MACROD2: variants seen among roughly 807,000 people sequenced by gnomAD.
The protein encoded by MACROD2 is ADP-ribose glycohydrolase MACROD2.
MACROD2 carries 36 observed loss-of-function variants against 70.4 expected under a neutral mutation model. That is an observed-to-expected ratio of 0.51 (90% CI 0.39 to 0.68). The LOEUF is 0.68. Among genes scored for constraint, MACROD2 ranks in the 30% least tolerant of loss-of-function variants. MACROD2 has a pLI of 0.00. For missense variants in MACROD2, 496 were observed against 538.4 expected (o/e 0.92, Z 0.78); for synonymous variants, 172 against 178.8 (o/e 0.96, Z 0.30).
At chr20:14,235,877 A>C (rs756393222) in intron 3 of MACROD2, among the ~76,000 whole-genome samples, 8 of 150,758 alleles carry the variant, frequency 5.3e-5, no homozygotes, top group Non-Finnish European at 1.0e-4. Flanking sequence ...ATAAGGTTTC[A>C]CTTTTCTTCT....
rs1427666449 is a variant in MACROD2, at chr20:15,085,326, G to A, written c.419-144614G>A. On this transcript the variant is annotated intron_variant, in intron 5 of 17. Coordinates refer to ENST00000684519, the MANE Select transcript of MACROD2 (RefSeq NM_001351661.2). ...TTAGGGATGCATTTTCATGACCTTGGTTTAAGGCAATAGTTTCTTGGATAT... is the reference window on the plus strand; with the variant it reads ...TTAGGGATGCATTTTCATGACCTTGATTTAAGGCAATAGTTTCTTGGATAT... Among the ~76,000 whole-genome samples the A allele has an allele frequency of 2.0e-5, 3 of 152,074 alleles. No homozygotes were observed. The East Asian group carries it at 5.8e-4, about 29-fold the overall frequency.
intron 8 of MACROD2, among the ~76,000 whole-genome samples, chr20:15,827,824 A>G (rs2064013735): frequency 6.6e-6 from 1 of 152,204 alleles, no homozygotes; most frequent in Non-Finnish European, 1.5e-5. Flanking sequence ...GTGGCTCTGA[A>G]ATGTGCATCT....
chr20:15,410,569 A>G (rs2046063114), intron 6 of MACROD2, among the ~76,000 whole-genome samples: 1 of 152,228 alleles, frequency 6.6e-6, no homozygotes, highest in South Asian at 2.1e-4. Context: ...GCGACAATAC[A>G]TAGAGGTGAA....
intron 5 of MACROD2, among the ~76,000 whole-genome samples, chr20:14,771,791 GTA>G (rs1232315918): frequency 2.0e-5 from 3 of 151,232 alleles, no homozygotes; most frequent in South Asian, 2.1e-4. Context: ...ATATGTATGT[GTA>G]TATATATATG....
At chr20:14,781,649 G>T (rs143406482) in intron 5 of MACROD2, among the ~76,000 whole-genome samples, 1 of 151,476 alleles carries the variant, frequency 6.6e-6, no homozygotes, top group Non-Finnish European at 1.5e-5. Context: ...ATTTCACATT[G>T]TTCACTACAT....
chr20:14,112,754 T>C (rs931586529), intron 3 of MACROD2, among the ~76,000 whole-genome samples: 2 of 151,952 alleles, frequency 1.3e-5, no homozygotes, highest in East Asian at 1.9e-4. Context: ...TTAATTTTTC[T>C]GGAAAAATGA....
At chr20:14,402,098 G>A (rs978878582) in intron 3 of MACROD2, among the ~76,000 whole-genome samples, 1 of 152,200 alleles carries the variant, frequency 6.6e-6, no homozygotes, top group African/African-American at 2.4e-5. Context: ...AGCTATTATA[G>A]TTCAATTATA....
intron 4 of MACROD2, among the ~76,000 whole-genome samples, chr20:14,600,563 T>C (rs6042814): frequency 0.15 from 23,126 of 152,040 alleles, 4,072 homozygotes; most frequent in African/African-American, 0.42. Flanking sequence ...ACTGTTCAAA[T>C]GTTAATTTAG....
At chr20:14,422,008 T>A (rs183853366) in intron 3 of MACROD2, among the ~76,000 whole-genome samples, 5 of 152,172 alleles carry the variant, frequency 3.3e-5, no homozygotes, top group Non-Finnish European at 7.4e-5. Flanking sequence ...TCGACTATTA[T>A]CTCCCTTGTA....
intron 3 of MACROD2, among the ~76,000 whole-genome samples, chr20:14,465,087 C>G (rs1411635714): frequency 2.2e-4 from 34 of 151,982 alleles, no homozygotes; most frequent in Admixed American, 2.0e-3. Flanking sequence ...TCCTGGATAT[C>G]CTTGTTAACT....
chr20:14,285,866 A>G (rs1354394332), intron 3 of MACROD2, among the ~76,000 whole-genome samples: 2 of 152,066 alleles, frequency 1.3e-5, no homozygotes, highest in African/African-American at 4.8e-5. Context: ...TGGTCCTGCT[A>G]CAGTTATGTA....
At chr20:14,916,487 G>C (rs901973474) in intron 5 of MACROD2, among the ~76,000 whole-genome samples, 5 of 152,130 alleles carry the variant, frequency 3.3e-5, no homozygotes, top group Non-Finnish European at 7.4e-5. Flanking sequence ...CTGCTTACTT[G>C]TTTGTGAAAT....
chr20:16,019,032 A>T (rs1025775124), intron 15 of MACROD2, among the ~76,000 whole-genome samples: 1 of 152,148 alleles, frequency 6.6e-6, no homozygotes, highest in Non-Finnish European at 1.5e-5. Context: ...TAAAACAATA[A>T]ATCTATTTCC....
chr20:15,589,925 A>G (rs1244659730), intron 8 of MACROD2, among the ~76,000 whole-genome samples: 1 of 152,242 alleles, frequency 6.6e-6, no homozygotes, highest in Non-Finnish European at 1.5e-5. Flanking sequence ...AAAGTAAAAT[A>G]GCAAGGTTAG....
chr20:14,560,499 C>T (rs1979360814), intron 4 of MACROD2, among the ~76,000 whole-genome samples: 1 of 151,692 alleles, frequency 6.6e-6, no homozygotes, highest in Non-Finnish European at 1.5e-5. Context: ...CTGGGATTTA[C>T]AGAGATAAGA....
intron 5 of MACROD2, among the ~76,000 whole-genome samples, chr20:15,083,863 C>A (rs1020090403): frequency 1.3e-5 from 2 of 152,036 alleles, no homozygotes; most frequent in African/African-American, 4.8e-5. Flanking sequence ...ACATAGACCA[C>A]CAGATTTATG....
intron 10 of MACROD2, among the ~76,000 whole-genome samples, chr20:15,904,754 G>A (rs2065118599): frequency 6.6e-6 from 1 of 151,996 alleles, no homozygotes; most frequent in Admixed American, 6.6e-5. Context: ...GGTGGCTGGT[G>A]CCTGTAGTCC....
intron 2 of MACROD2, among the ~76,000 whole-genome samples, chr20:14,033,085 C>CTTTTTTTTTT (rs11480685): frequency 7.5e-6 from 1 of 132,632 alleles, no homozygotes; most frequent in Non-Finnish European, 1.6e-5. Flanking sequence ...CTTGGTTTTT[C>CTTTTTTTTTT]TTTTTTTTTT....
intron 12 of MACROD2, among the ~76,000 whole-genome samples, chr20:15,956,692 C>G (rs1325634534): frequency 6.6e-6 from 1 of 152,138 alleles, no homozygotes; most frequent in Non-Finnish European, 1.5e-5. Context: ...GTTAGACATG[C>G]AAATTCTCAG....
Sources: gnomAD v4.1 joint callset for allele counts (sites outside exome capture counted in the v4.1 genomes callset) on GRCh38, gnomAD v4.1.1 for gene constraint, MANE v1.5 for transcripts, NCBI Gene and HGNC (gene_info 2026-07-23, HGNC 2026-07-21) for gene names.